The following ZFYVE9 variants were observed in gnomAD, a reference collection of about 807,000 sequenced individuals.
ZFYVE9 encodes zinc finger FYVE-type containing 9, also known as zinc finger FYVE domain-containing protein 9.
In ZFYVE9, 43 loss-of-function variants were observed where a neutral mutation model predicts 126.7. The observed-to-expected ratio is 0.34, with a 90% CI of 0.27 to 0.44. The LOEUF (loss-of-function observed/expected upper bound fraction) is 0.44. Among genes scored for constraint, ZFYVE9 ranks in the 20% least tolerant of loss-of-function variants. ZFYVE9 has a pLI of 1.00. For synonymous variants in ZFYVE9, 521 were observed against 597.4 expected, an observed-to-expected ratio of 0.87 and a Z score of 1.87; for missense variants, 1,476 against 1,697.0, an observed-to-expected ratio of 0.87 and a Z score of 2.29.
intron 1 of ZFYVE9, among the ~76,000 whole-genome samples, chr1:52,144,223 G>A (rs1033032177): frequency 2.6e-5 from 4 of 152,074 alleles, no homozygotes; most frequent in Non-Finnish European, 4.4e-5. Context: ...GGAGGCTGAG[G>A]CACAAGAATC....
At chr1:52,217,357 T>C (rs1645081399) in intron 2 of ZFYVE9, among the ~76,000 whole-genome samples, 1 of 152,202 alleles carries the variant, frequency 6.6e-6, no homozygotes, top group Non-Finnish European at 1.5e-5. Flanking sequence ...TAGGATTGTT[T>C]ACAACTTATG....
intron 10 of ZFYVE9, 53 bp downstream of exon 10, chr1:52,281,869 T>G: frequency 6.2e-7 from 1 of 1,602,174 alleles, no homozygotes; most frequent in Non-Finnish European, 8.5e-7. Flanking sequence ...CAAAAAAATT[T>G]TGAATTCAAA....
intron 3 of ZFYVE9, among the ~76,000 whole-genome samples, chr1:52,235,652 T>C (rs1022436157): frequency 1.3e-5 from 2 of 152,286 alleles, no homozygotes; most frequent in Admixed American, 6.5e-5. Flanking sequence ...ACTAATTCTT[T>C]TCTCAACCCA....
At position 52,216,461 on chromosome 1, in the gene ZFYVE9, G is replaced by A. The variant is rs1645073184; in HGVS notation, c.-50G>A. ...GAGAAGTCTGTTCCTTATCACGTGT[G>A]TAAGGGGAAAAAGGTAAGAAAATGT... On this transcript the variant is annotated 5_prime_UTR_variant, in exon 2 of 19. Transcript: ENST00000287727. 3 of 398,506 alleles carry A rather than the reference G, an allele frequency of 7.5e-6. No homozygotes were observed. The East Asian group carries it at 1.1e-4, about 14-fold the overall frequency. The allele number at this position is 398,506 out of a possible 1,614,324, so 24.7% of individuals were successfully genotyped here. A position where few individuals can be genotyped will look rare whatever the true frequency, so the allele number is the denominator to read the frequency against.
chr1:52,335,102 G>C (rs1233846835), intron 15 of ZFYVE9: 1 of 172,594 alleles, frequency 5.8e-6, no homozygotes, highest in African/African-American at 2.4e-5. Flanking sequence ...AGAATGCTGT[G>C]GTCATCATTT....
chr1:52,268,704 CT>C, intron 7 of ZFYVE9, 72 bp downstream of exon 7: 1 of 1,525,504 alleles, frequency 6.6e-7, no homozygotes, highest in South Asian at 1.3e-5. Flanking sequence ...TGTTGAATTA[CT>C]TTTGTGTGGA....
At chr1:52,259,613 C>T (rs1645558693) in intron 4 of ZFYVE9, among the ~76,000 whole-genome samples, 1 of 147,314 alleles carries the variant, frequency 6.8e-6, no homozygotes, top group Non-Finnish European at 1.5e-5. Flanking sequence ...CATGGCGAAA[C>T]CCTGTCTCTA....
intron 1 of ZFYVE9, chr1:52,180,422 A>G: frequency 6.9e-7 from 1 of 1,450,986 alleles, no homozygotes. Context: ...AGTTGCAGTG[A>G]AAACTGTCTG....
At chr1:52,185,723 A>T (rs896995262) in intron 1 of ZFYVE9, among the ~76,000 whole-genome samples, 5 of 152,100 alleles carry the variant, frequency 3.3e-5, no homozygotes, top group Non-Finnish European at 7.4e-5. Flanking sequence ...AGAAATCGAG[A>T]CCATCCTGGC....
chr1:52,171,174 C>T (rs1644565128), intron 1 of ZFYVE9, among the ~76,000 whole-genome samples: 1 of 152,070 alleles, frequency 6.6e-6, no homozygotes, highest in South Asian at 2.1e-4. Flanking sequence ...ACAACAGTCC[C>T]CAGAGTGTGA....
At chr1:52,345,831 A>G in intron 18 of ZFYVE9, 1 of 393,020 alleles carries the variant, frequency 2.5e-6, no homozygotes. Context: ...AACTAAGACC[A>G]TAACAGGTTA....
At chr1:52,192,299 A>G (rs1422467623) in intron 1 of ZFYVE9, among the ~76,000 whole-genome samples, 1 of 152,250 alleles carries the variant, frequency 6.6e-6, no homozygotes, top group Non-Finnish European at 1.5e-5. Flanking sequence ...GTTTGACACC[A>G]TCATTACCCA....
chr1:52,188,987 G>T lies in ZFYVE9; in HGVS notation c.-142-27382G>T, dbSNP rs552166302. Among the ~76,000 whole-genome samples the T allele has an allele frequency of 2.6e-5, 4 of 152,026 alleles. No individual in the cohort carries two copies. In the East Asian group the frequency reaches 5.8e-4, roughly 22 times the overall value. Reference sequence around the variant, plus strand: ...GAGTCTTGCTTTGTTGCCCACGTTGGAGTGCAGTGGCATGATCTCGGCTCA... The same window carrying T: ...GAGTCTTGCTTTGTTGCCCACGTTGTAGTGCAGTGGCATGATCTCGGCTCA... On this transcript the variant is annotated intron_variant, in intron 1 of 18. Transcript: ENST00000287727.
chr1:52,325,060 A>G (rs943349409), intron 13 of ZFYVE9, among the ~76,000 whole-genome samples: 1 of 152,186 alleles, frequency 6.6e-6, no homozygotes, highest in Admixed American at 6.6e-5. Context: ...CGGGCGGATC[A>G]TGAGGTCAGG....
chr1:52,318,370 A>ATGTGTGTGTGTGTG lies in ZFYVE9; in HGVS notation c.3439-14366_3439-14353dup, dbSNP rs59683935. Among the ~76,000 whole-genome samples, 231 of 144,382 alleles carry ATGTGTGTGTGTGTG rather than the reference A, an allele frequency of 1.6e-3. 2 individuals carry two copies. The highest frequency in any genetic ancestry group is 3.5e-3 in the African/African-American group (135 of 38,624). 94.7% of individuals were successfully genotyped at this position (144,382 alleles called of 152,430 possible). On this transcript the variant is annotated intron_variant, in intron 13 of 18. Transcript: ENST00000287727. ...TCAAGATTAGAGAGAGCATGATTGT[A>ATGTGTGTGTGTGTG]TGTGTGTGTGTGTGTGTGTGTGTGT...
chr1:52,290,764 T>C (rs2147826867), intron 10 of ZFYVE9, among the ~76,000 whole-genome samples: 1 of 152,308 alleles, frequency 6.6e-6, no homozygotes, highest in Middle Eastern at 3.4e-3. Context: ...AATCATATAT[T>C]TGGCTGATCA....
rs759753454 is a variant in ZFYVE9 at position 52,263,078 on chromosome 1, C to CAAAAAAA, written c.2179-682_2179-676dup. On this transcript the variant is annotated intron_variant, in intron 4 of 18. Coordinates refer to ENST00000287727, the MANE Select transcript of ZFYVE9 (RefSeq NM_004799.4). ...TGGGCCACAGAGTCAAATTGTGTCT[C>CAAAAAAA]AAAAAAAAAAAAAAAAAAAGAAAAG... Among the ~76,000 whole-genome samples the CAAAAAAA allele has an allele frequency of 8.5e-5, 6 of 70,344 alleles. No individual in the cohort carries two copies. The South Asian group carries it at 1.4e-3, about 16-fold the overall frequency. The allele number at this position is 70,344 out of a possible 152,430, so 46.1% of individuals were successfully genotyped here.
At chr1:52,143,752 A>G (rs1169310899) in intron 1 of ZFYVE9, among the ~76,000 whole-genome samples, 3 of 152,224 alleles carry the variant, frequency 2.0e-5, no homozygotes, top group African/African-American at 7.2e-5. Flanking sequence ...CATCAATTAA[A>G]ACAGAAGAAT....
In ZFYVE9 at chr1:52,337,802, A is replaced by C; in HGVS notation, c.3701A>C (p.Asn1234Thr). ...GTTATGGTCCAGATTACTGCAGAGA[A>C]CATGGATTCCTTGAGGCAGGCACTG... Reference protein sequence around the residue: ...DGVMVQITAENMDSLRQALRE... With the variant: ...DGVMVQITAETMDSLRQALRE... Residue 1234 changes from asparagine to threonine, a missense_variant, in exon 16 of 19, where the codon AAC (asparagine) becomes ACC (threonine). Asn to Thr is a moderately conservative substitution (Grantham distance 65). Coordinates refer to ENST00000287727, the MANE Select transcript of ZFYVE9 (RefSeq NM_004799.4). 6.2e-7 allele frequency: 1 copy of C among 1,614,230 alleles called. No individual in the cohort carries two copies. The highest frequency in any genetic ancestry group is 8.5e-7 in the Non-Finnish European group (1 of 1,180,044).
Sources: gnomAD v4.1 joint callset for allele counts (sites outside exome capture counted in the v4.1 genomes callset) on GRCh38, gnomAD v4.1.1 for gene constraint, MANE v1.5 for transcripts, NCBI Gene and HGNC (gene_info 2026-07-23, HGNC 2026-07-21) for gene names.